The following GPATCH1 variants were observed in gnomAD, a reference collection of about 807,000 sequenced individuals.
The protein encoded by GPATCH1 is G patch domain-containing protein 1.
In GPATCH1, 73 loss-of-function variants were observed where a neutral mutation model predicts 114.9. The ratio of observed to expected loss-of-function variants is 0.64; its 90% CI spans 0.53 to 0.77. The LOEUF is 0.77. Among genes scored for constraint, GPATCH1 ranks in the 30% least tolerant of loss-of-function variants. The pLI is 0.00. For synonymous variants in GPATCH1, 391 were observed against 428.4 expected (o/e 0.91, Z 1.08); for missense variants, 1,058 against 1,144.3 (o/e 0.92, Z 1.09).
chr19:33,112,171 G>A (rs1972862793), intron 12 of GPATCH1, among the ~76,000 whole-genome samples: 2 of 151,554 alleles, frequency 1.3e-5, no homozygotes, highest in African/African-American at 2.4e-5. Flanking sequence ...TCACCATATT[G>A]GCCAGGCTGG....
At chr19:33,106,587 C>A in intron 9 of GPATCH1, 108 bp from the exon 10 acceptor site, 1 of 850,976 alleles carries the variant, frequency 1.2e-6, no homozygotes, top group Non-Finnish European at 1.9e-6. Flanking sequence ...TGAGTGTTAA[C>A]CCGGGAAGGG....
chr19:33,127,059 C>G (rs1008272469), intron 19 of GPATCH1, among the ~76,000 whole-genome samples: 1 of 151,520 alleles, frequency 6.6e-6, no homozygotes, highest in South Asian at 2.1e-4. Context: ...CTGTTGAGCC[C>G]GGGAGTTGGA....
chr19:33,108,636 A>G (rs1972814765), intron 10 of GPATCH1, among the ~76,000 whole-genome samples: 1 of 151,364 alleles, frequency 6.6e-6, no homozygotes, highest in Non-Finnish European at 1.5e-5. Context: ...CCTCAGTCAC[A>G]TCGTCCTGTT....
In GPATCH1 at chr19:33,126,638, A is replaced by G. The variant is rs752979643; in HGVS notation, c.2670A>G (p.Lys890=). 6.2e-7 allele frequency: 1 copy of G among 1,614,064 alleles called. No individual in the cohort carries two copies. Among genetic ancestry groups the G allele is most frequent in the South Asian group, 1.1e-5 (1 of 91,078 alleles). ...ACAAAGGCAAGCAAAAGAATAAAAAACCAGAGAAAAGTAGTAGCTCCGAGA... is the reference window on the plus strand; with the variant it reads ...ACAAAGGCAAGCAAAAGAATAAAAAGCCAGAGAAAAGTAGTAGCTCCGAGA... The part of the protein sequence containing the change: ...HKHKGKQKNK[K]PEKSSSSESS... The change falls in exon 19 of 20, where the codon AAA becomes AAG. Residue 890 remains lysine (K), a synonymous_variant. Coordinates refer to ENST00000170564, the MANE Select transcript of GPATCH1 (RefSeq NM_018025.3).
At position 33,119,944 on chromosome 19, in the gene GPATCH1, TATTTTATAA is replaced by T. The variant is rs1412107414; in HGVS notation, c.2521+836_2521+844del. Among the ~76,000 whole-genome samples the T allele has an allele frequency of 2.8e-5, 4 of 145,232 alleles. No homozygotes were observed. The East Asian group carries it at 7.8e-4, about 28-fold the overall frequency. The stretch of plus-strand genomic sequence containing the variant: ...TATATAAAAATTATATATATTTTTA[TATTTTATAA>T]ATTTTATATATTTTACAAATTTATA... On this transcript the variant is annotated intron_variant, in intron 17 of 19. Coordinates refer to ENST00000170564, the MANE Select transcript of GPATCH1 (RefSeq NM_018025.3).
At chr19:33,089,998 C>T (rs1356322123) in intron 2 of GPATCH1, among the ~76,000 whole-genome samples, 1 of 152,166 alleles carries the variant, frequency 6.6e-6, no homozygotes, top group African/African-American at 2.4e-5. Flanking sequence ...TGCAGTGGTG[C>T]ACCTACTGAG....
Position 33,090,841 on chromosome 19 carries a change from T to G in GPATCH1, c.270T>G (p.Gly90=), listed in dbSNP as rs1303290616. ...RQNRADKSVL[G]PEDFMDEEDL... is the part of the protein sequence containing the mutation. ...ACAGAGCAGACAAATCTGTTCTTGG[T>G]CCTGAAGATTTTATGGATGAAGAGG... The change falls in exon 3 of 20, where the codon GGT becomes GGG. Residue 90 remains glycine (G), a synonymous_variant. Transcript: ENST00000170564. The G allele has an allele frequency of 6.2e-7, 1 of 1,612,978 alleles. No individual in the cohort carries two copies. The highest frequency in any genetic ancestry group is 8.5e-7 in the Non-Finnish European group (1 of 1,179,002).
At chr19:33,108,835 C>T (rs1599860368) in intron 10 of GPATCH1, among the ~76,000 whole-genome samples, 1 of 152,162 alleles carries the variant, frequency 6.6e-6, no homozygotes, top group South Asian at 2.1e-4. Context: ...GACTGCAGGT[C>T]TGGAGCCGGG....
In GPATCH1 at chr19:33,096,551, A is replaced by G. The variant is rs1380175351; in HGVS notation, c.852+105A>G. ...CTTTATTTTCTTTTTTTTTCCCCCT[A>G]ATCCTCAAGTGGAATCAGGTCAAAG... On this transcript the variant is annotated intron_variant, in intron 7 of 19. Coordinates refer to ENST00000170564, the MANE Select transcript of GPATCH1 (RefSeq NM_018025.3). 6 of 904,892 alleles carry G rather than the reference A, an allele frequency of 6.6e-6. No individual in the cohort carries two copies. In the East Asian group the frequency reaches 1.1e-4, roughly 16 times the overall value. 56.1% of individuals were successfully genotyped at this position (904,892 alleles called of 1,614,324 possible). A position where few individuals can be genotyped will look rare whatever the true frequency, so the allele number is the denominator to read the frequency against.
In GPATCH1 at chr19:33,118,002, C is replaced by T; in HGVS notation, c.2374C>T (p.Gln792Ter). ...TGGGGAGGCCAACTTCCAAAGCTCC[C>T]AAGACACTGACTTGGGGGAAACATC... ...GSGEANFQSS[Q>*]DTDLGETSSV... Residue 792 changes from glutamine (Q) to a stop codon, truncating the protein, a stop_gained, in exon 16 of 20, where the codon CAA becomes TAA. Coordinates refer to ENST00000170564, the MANE Select transcript of GPATCH1 (RefSeq NM_018025.3). LOFTEE classifies it high-confidence loss of function. 1 of 1,613,636 alleles carries T rather than the reference C, an allele frequency of 6.2e-7. No homozygotes were observed. Among genetic ancestry groups the T allele is most frequent in the East Asian group, 2.2e-5 (1 of 44,852 alleles).
At chr19:33,113,524 T>C (rs1485957407) in intron 13 of GPATCH1, 2 of 435,714 alleles carry the variant, frequency 4.6e-6, no homozygotes, top group Non-Finnish European at 4.1e-6. Flanking sequence ...TTTTTATCAG[T>C]GGAGCTTTTC....
chr19:33,114,685 G>T (rs1306650941), intron 15 of GPATCH1, among the ~76,000 whole-genome samples: 2 of 151,614 alleles, frequency 1.3e-5, no homozygotes, highest in African/African-American at 4.8e-5. Flanking sequence ...ATATGTACAT[G>T]TATATTTAAC....
chr19:33,097,573 GT>G (rs1387658751), intron 7 of GPATCH1, among the ~76,000 whole-genome samples, 181 bp from the exon 8 acceptor site: 1 of 152,152 alleles, frequency 6.6e-6, no homozygotes, highest in Non-Finnish European at 1.5e-5. Context: ...TTCACCTCTG[GT>G]CACTGTTTTC....
intron 18 of GPATCH1, among the ~76,000 whole-genome samples, chr19:33,126,097 C>T (rs1014081370): frequency 6.6e-6 from 1 of 152,156 alleles, no homozygotes; most frequent in Non-Finnish European, 1.5e-5. Context: ...CGGGCGTTCC[C>T]TCCTAGTGAA....
Position 33,111,898 on chromosome 19 carries a change from A to G in GPATCH1, c.1760A>G (p.Gln587Arg). ...GATCAGGTTGAAGTCCCTCGAGACCAAGAGGTCTGTTGTCACCATGTCCCT... is the reference window on the plus strand; with the variant it reads ...GATCAGGTTGAAGTCCCTCGAGACCGAGAGGTCTGTTGTCACCATGTCCCT... ...DSDQVEVPRD[Q>R]ENDVGDKQSA... Residue 587 changes from glutamine to arginine, a missense_variant, in exon 12 of 20, where the codon CAA becomes CGA. Transcript: ENST00000170564. 6.2e-7 allele frequency: 1 copy of G among 1,611,690 alleles called. No individual in the cohort carries two copies. Among genetic ancestry groups the G allele is most frequent in the Non-Finnish European group, 8.5e-7 (1 of 1,177,762 alleles).
chr19:33,126,463 T>C (rs1338140930), intron 18 of GPATCH1, 125 bp from the exon 19 acceptor site: 14 of 1,423,772 alleles, frequency 9.8e-6, no homozygotes, highest in Non-Finnish European at 1.3e-5. Context: ...TCTCACTCAC[T>C]CTAAATGAGG....
chr19:33,093,845 C>A (rs564135773), intron 4 of GPATCH1, among the ~76,000 whole-genome samples: 11 of 152,296 alleles, frequency 7.2e-5, no homozygotes, highest in African/African-American at 2.4e-4. Context: ...TCTCCTTGTG[C>A]TCCTGGGCTT....
At chr19:33,101,816 G>A (rs1438169125) in intron 9 of GPATCH1, among the ~76,000 whole-genome samples, 1 of 151,962 alleles carries the variant, frequency 6.6e-6, no homozygotes, top group Non-Finnish European at 1.5e-5. Context: ...GATCACCTGA[G>A]GTCGGGAGTT....
chr19:33,117,871 G>A lies in GPATCH1; in HGVS notation c.2243G>A (p.Arg748His), dbSNP rs769898388. The change falls in exon 16 of 20, where the codon CGC becomes CAC. Residue 748 changes from arginine to histidine, a missense_variant. By Grantham distance (29) the Arg-to-His change is conservative. This residue lies in a region of GPATCH1 where 893 missense variants were observed against 977.4 expected (regional missense o/e 0.91). Transcript: ENST00000170564. ...GCACAGGCTGAAGGAGAAGGGAGCC[G>A]CCCATCCATGGACTTATTCAGGGCC... ...VDAQAEGEGSRPSMDLFRAIF... is the reference protein window; with the variant it reads ...VDAQAEGEGSHPSMDLFRAIF... The A allele has an allele frequency of 1.5e-5, 25 of 1,613,764 alleles. No homozygotes were observed. In the East Asian group the frequency reaches 4.2e-4, roughly 27 times the overall value.
Sources: gnomAD v4.1 joint callset for allele counts (sites outside exome capture counted in the v4.1 genomes callset) on GRCh38, gnomAD v4.1.1 for gene constraint, gnomAD v4.1.1 regional missense constraint, MANE v1.5 for transcripts, NCBI Gene and HGNC (gene_info 2026-07-23, HGNC 2026-07-21) for gene names.